UTP20: variants seen among roughly 807,000 people sequenced by gnomAD.
UTP20 encodes small subunit processome component 20 homolog.
A neutral mutation model predicts 329.5 loss-of-function variants in UTP20; 164 were observed. The observed-to-expected ratio is 0.50, with a 90% CI of 0.44 to 0.57. The LOEUF (loss-of-function observed/expected upper bound fraction) is 0.57. Among genes scored for constraint, UTP20 ranks in the 20% least tolerant of loss-of-function variants. The pLI, the probability that UTP20 is intolerant of heterozygous loss-of-function variation, is 0.00. For synonymous variants in UTP20, 1,151 were observed against 1,159.3 expected (o/e 0.99, Z 0.14); for missense variants, 3,055 against 3,284.2 (o/e 0.93, Z 1.71).
intron 39 of UTP20, 72 bp from the exon 40 acceptor site, chr12:101,352,975 T>G: frequency 1.1e-6 from 1 of 921,618 alleles, no homozygotes; most frequent in Non-Finnish European, 1.6e-6. Context: ...AGTGTTTAAA[T>G]TTCCTCTCCT....
intron 6 of UTP20, 48 bp from the exon 7 acceptor site, chr12:101,290,089 A>G (rs1872088652): frequency 2.2e-6 from 3 of 1,346,854 alleles, no homozygotes; most frequent in Non-Finnish European, 3.0e-6. Context: ...TCATTTGGAT[A>G]TGTTTATGTT....
At chr12:101,295,777 G>T (rs1429894230) in intron 12 of UTP20, 119 bp downstream of exon 12, 4 of 1,219,694 alleles carry the variant, frequency 3.3e-6, no homozygotes, top group African/African-American at 3.0e-5. Context: ...ATGATAAGTT[G>T]TGTGAAAAAA....
intron 27 of UTP20, among the ~76,000 whole-genome samples, chr12:101,330,416 G>A (rs1393033725): frequency 6.6e-6 from 1 of 152,164 alleles, no homozygotes; most frequent in Non-Finnish European, 1.5e-5. Flanking sequence ...GACTTTGTAG[G>A]CTATGATGAG....
chr12:101,349,160 T>A (rs1242803113), intron 38 of UTP20, among the ~76,000 whole-genome samples: 1 of 152,088 alleles, frequency 6.6e-6, no homozygotes, highest in Non-Finnish European at 1.5e-5. Context: ...GGGTTTTTTG[T>A]TTTTGTTTTG....
At chr12:101,369,057 T>A (rs1870193909) in intron 48 of UTP20, among the ~76,000 whole-genome samples, 1 of 152,226 alleles carries the variant, frequency 6.6e-6, no homozygotes, top group African/African-American at 2.4e-5. Context: ...AGCACTTAAC[T>A]ATATTAAATG....
intron 41 of UTP20, 57 bp downstream of exon 41, chr12:101,355,175 C>A (rs574799255): frequency 1.3e-6 from 2 of 1,546,706 alleles, no homozygotes; most frequent in Non-Finnish European, 1.8e-6. Flanking sequence ...TTGGTGGAGC[C>A]CTGTCACACT....
chr12:101,290,673 C>T, intron 7 of UTP20, 60 bp from the exon 8 acceptor site: 1 of 1,519,426 alleles, frequency 6.6e-7, no homozygotes, highest in South Asian at 1.4e-5. Flanking sequence ...TGGTGACTCC[C>T]AGAGCAATAC....
chr12:101,294,621 C>T (rs1872288796), intron 11 of UTP20, among the ~76,000 whole-genome samples: 1 of 150,118 alleles, frequency 6.7e-6, no homozygotes. Context: ...CTGCTTACTG[C>T]AACCTCCACC....
At chr12:101,366,196 T>C (rs1161629977) in intron 46 of UTP20, among the ~76,000 whole-genome samples, 1 of 152,190 alleles carries the variant, frequency 6.6e-6, no homozygotes, top group Non-Finnish European at 1.5e-5. Context: ...CGCGCCACTG[T>C]ACTCCAGGCT....
chr12:101,368,944 G>T (rs138623776), intron 48 of UTP20, among the ~76,000 whole-genome samples: 2 of 152,156 alleles, frequency 1.3e-5, no homozygotes, highest in African/African-American at 4.8e-5. Context: ...AGAGCAGCAC[G>T]GGTGTTATTA....
At chr12:101,305,805 GT>G (rs1872630147) in intron 15 of UTP20, 109 bp from the exon 16 acceptor site, 1 of 1,293,290 alleles carries the variant, frequency 7.7e-7, no homozygotes, top group African/African-American at 1.5e-5. Context: ...ACTTTTGCCT[GT>G]TACCTTTTAC....
chr12:101,329,419 C>A lies in UTP20; in HGVS notation c.3387C>A (p.Thr1129=), dbSNP rs74363467. ...AGATACTGCTCTGTATGACAGCAAC[C>A]GTATCACACATCCTTGACCAACGAG... is the stretch of plus-strand genomic sequence containing the variant. ...ILQILLCMTA[T]VSHILDQREK... Residue 1129 remains threonine (T), a synonymous_variant, in exon 27 of 62, where the codon ACC becomes ACA. Transcript: ENST00000261637. 1.9e-6 allele frequency: 3 copies of A among 1,613,440 alleles called. No individual in the cohort carries two copies. The highest frequency in any genetic ancestry group is 1.1e-5 in the South Asian group (1 of 91,048).
intron 12 of UTP20, among the ~76,000 whole-genome samples, chr12:101,297,815 G>C (rs1872407269): frequency 6.6e-6 from 1 of 152,100 alleles, no homozygotes; most frequent in South Asian, 2.1e-4. Flanking sequence ...ACTGAGACTG[G>C]GCGTCAGACC....
intron 11 of UTP20, 71 bp from the exon 12 acceptor site, chr12:101,295,409 T>G: frequency 7.2e-7 from 1 of 1,387,030 alleles, no homozygotes. Context: ...TTGGTCTAGT[T>G]TTTTGAATTG....
chr12:101,288,872 C>T, intron 5 of UTP20, 88 bp from the exon 6 acceptor site: 2 of 1,172,776 alleles, frequency 1.7e-6, no homozygotes, highest in Non-Finnish European at 2.4e-6. Context: ...GCATACCCAG[C>T]ACATTGTTGC....
At chr12:101,307,227 G>T (rs1872664406) in intron 17 of UTP20, among the ~76,000 whole-genome samples, 1 of 143,636 alleles carries the variant, frequency 7.0e-6, no homozygotes. Flanking sequence ...TCTTACTCCT[G>T]TCTACCAATA....
At chr12:101,288,532 G>A (rs1032064720) in intron 5 of UTP20, among the ~76,000 whole-genome samples, 2 of 152,156 alleles carry the variant, frequency 1.3e-5, no homozygotes, top group Non-Finnish European at 2.9e-5. Flanking sequence ...CTGTCTACCT[G>A]ACCAACTTTA....
At chr12:101,314,812 C>T (rs929714513) in intron 21 of UTP20, among the ~76,000 whole-genome samples, 5 of 151,744 alleles carry the variant, frequency 3.3e-5, no homozygotes, top group African/African-American at 1.2e-4. Context: ...TAAGACTTAA[C>T]AGTGTTGGCT....
intron 12 of UTP20, 51 bp downstream of exon 12, chr12:101,295,709 A>G: frequency 6.7e-7 from 1 of 1,496,732 alleles, no homozygotes; most frequent in East Asian, 2.3e-5. Flanking sequence ...ACCCATTTAA[A>G]TGTAATGTAT....
Sources: gnomAD v4.1 joint callset for allele counts (sites outside exome capture counted in the v4.1 genomes callset) on GRCh38, gnomAD v4.1.1 for gene constraint, MANE v1.5 for transcripts, NCBI Gene and HGNC (gene_info 2026-07-23, HGNC 2026-07-21) for gene names.